SORCS2: variants seen among roughly 807,000 people sequenced by gnomAD.
SORCS2 encodes sortilin related VPS10 domain containing receptor 2.
A neutral mutation model predicts 141.6 loss-of-function variants in SORCS2; 100 were observed. The observed-to-expected ratio is 0.71, with a 90% CI of 0.60 to 0.83. The LOEUF (loss-of-function observed/expected upper bound fraction) is 0.83, where lower values mean the gene tolerates loss of function less well. Ranked by LOEUF, SORCS2 falls within the 40% of genes least tolerant of loss-of-function variation. SORCS2 has a pLI of 0.00. For missense variants in SORCS2, 1,646 were observed against 1,560.2 expected (o/e 1.05, Z -0.93); for synonymous variants, 789 against 676.9 (o/e 1.17, Z -2.57).
chr4:7,339,375 C>T (rs1237675264), intron 1 of SORCS2, among the ~76,000 whole-genome samples: 1 of 152,206 alleles, frequency 6.6e-6, no homozygotes, highest in Non-Finnish European at 1.5e-5. Context: ...ATGAGTCAGC[C>T]ACAGCTGCGT....
At chr4:7,730,739 G>T (rs758280675) in intron 23 of SORCS2, among the ~76,000 whole-genome samples, 5 of 152,208 alleles carry the variant, frequency 3.3e-5, no homozygotes, top group African/African-American at 1.2e-4. Context: ...GGGGGAGGGC[G>T]CATGGCGAGT....
intron 1 of SORCS2, among the ~76,000 whole-genome samples, chr4:7,309,150 G>A (rs774375351): frequency 2.0e-5 from 3 of 152,204 alleles, no homozygotes; most frequent in Admixed American, 6.5e-5. Flanking sequence ...ATCACCGGGC[G>A]CACGCTGGCA....
intron 2 of SORCS2, among the ~76,000 whole-genome samples, chr4:7,457,688 C>T (rs1284114309): frequency 6.6e-6 from 1 of 151,166 alleles, no homozygotes; most frequent in Non-Finnish European, 1.5e-5. Flanking sequence ...CCCCAGTGAA[C>T]ACTGCAAGCT....
At chr4:7,444,673 C>T (rs1727880738) in intron 2 of SORCS2, among the ~76,000 whole-genome samples, 1 of 152,088 alleles carries the variant, frequency 6.6e-6, no homozygotes, top group Non-Finnish European at 1.5e-5. Flanking sequence ...CTGACATGAT[C>T]CCATGGTGCT....
intron 4 of SORCS2, among the ~76,000 whole-genome samples, chr4:7,650,999 C>A (rs1464607152): frequency 6.6e-6 from 1 of 152,132 alleles, no homozygotes. Context: ...GCCCCTACCC[C>A]CAGAGGGGCA....
At position 7,516,945 on chromosome 4, in the gene SORCS2, C is replaced by A. The variant is rs1733022217; in HGVS notation, c.549-14585C>A. ...CCAGGCTGCAGTGTTCAAGCTCAGC[C>A]CCTCTACCTCCTCCCTCCTCCTCTG... On this transcript the variant is annotated intron_variant, in intron 2 of 26. Transcript: ENST00000507866. Among the ~76,000 whole-genome samples, 3 of 152,178 alleles carry A rather than the reference C, an allele frequency of 2.0e-5. No homozygotes were observed. In the South Asian group the frequency reaches 6.2e-4, roughly 32 times the overall value.
chr4:7,618,447 T>C (rs1188752324), intron 3 of SORCS2, among the ~76,000 whole-genome samples: 1 of 152,116 alleles, frequency 6.6e-6, no homozygotes, highest in Non-Finnish European at 1.5e-5. Context: ...TCTCCTCTGT[T>C]CAAGGCCCCC....
At chr4:7,217,809 G>A (rs568404999) in intron 1 of SORCS2, among the ~76,000 whole-genome samples, 20 of 152,346 alleles carry the variant, frequency 1.3e-4, no homozygotes, top group African/African-American at 4.6e-4. Flanking sequence ...GTGAAGCTCC[G>A]ACCTGTGGGA....
In SORCS2 at chr4:7,286,964, C is replaced by T. The variant is rs188360814; in HGVS notation, c.480+93838C>T. Among the ~76,000 whole-genome samples the T allele has an allele frequency of 5.3e-5, 8 of 152,298 alleles. No homozygotes were observed. Among genetic ancestry groups the T allele is most frequent in the Admixed American group, 1.3e-4 (2 of 15,304 alleles). ...GAGGGACCAGGGCCACTGGTACGAACGCTTCTTGCATCAGGTGGCTGCAGC... is the reference window on the plus strand; with the variant it reads ...GAGGGACCAGGGCCACTGGTACGAATGCTTCTTGCATCAGGTGGCTGCAGC... On this transcript the variant is annotated intron_variant, in intron 1 of 26. Transcript: ENST00000507866. The surrounding 1 kb of genome is among the most constrained non-coding windows in gnomAD (Gnocchi z 4.1).
At chr4:7,582,804 G>T (rs1029827806) in intron 3 of SORCS2, among the ~76,000 whole-genome samples, 1 of 152,120 alleles carries the variant, frequency 6.6e-6, no homozygotes, top group East Asian at 1.9e-4. Flanking sequence ...ACCTGGGTCA[G>T]CCAGTTCCCT....
chr4:7,238,296 G>GA (rs1048954008), intron 1 of SORCS2, among the ~76,000 whole-genome samples: 1 of 152,066 alleles, frequency 6.6e-6, no homozygotes, highest in Non-Finnish European at 1.5e-5. Flanking sequence ...AGTCTGGGGG[G>GA]GGTTGCTGGT....
chr4:7,305,543 T>C (rs1717757813), intron 1 of SORCS2, among the ~76,000 whole-genome samples: 1 of 152,108 alleles, frequency 6.6e-6, no homozygotes, highest in African/African-American at 2.4e-5. Flanking sequence ...TGGACTAGGT[T>C]GGGGGATGCA....
intron 1 of SORCS2, among the ~76,000 whole-genome samples, chr4:7,234,782 C>T (rs147646569): frequency 2.6e-5 from 4 of 152,384 alleles, no homozygotes; most frequent in Non-Finnish European, 4.4e-5. Context: ...GCCCTGACAG[C>T]GCAGCCTGCC....
intron 2 of SORCS2, among the ~76,000 whole-genome samples, chr4:7,419,078 T>C (rs1386603015): frequency 6.6e-6 from 1 of 152,190 alleles, no homozygotes; most frequent in Non-Finnish European, 1.5e-5. Context: ...ATCACAAAGA[T>C]TGACCTTTAT....
chr4:7,604,325 G>C (rs1323537088), intron 3 of SORCS2, among the ~76,000 whole-genome samples: 1 of 152,156 alleles, frequency 6.6e-6, no homozygotes, highest in African/African-American at 2.4e-5. Context: ...TTTGTTTGTT[G>C]GTTTGTTTTT....
In SORCS2 at chr4:7,723,752, T is replaced by G; in HGVS notation, c.2480T>G (p.Met827Arg). 6.2e-7 allele frequency: 1 copy of G among 1,613,990 alleles called. No homozygotes were observed. The highest frequency in any genetic ancestry group is 1.3e-5 in the African/African-American group (1 of 75,054). ...QVDLGDGFKA[M>R]YVNLTLTGEP... ...GACCTTGGGGACGGCTTCAAGGCCA[T>G]GTACGTGAACCTTACACTGACCGGG... Residue 827 changes from methionine to arginine, a missense_variant, in exon 19 of 27, where the codon ATG becomes AGG. Coordinates refer to ENST00000507866, the MANE Select transcript of SORCS2 (RefSeq NM_020777.3).
At chr4:7,459,166 C>G (rs1020613980) in intron 2 of SORCS2, among the ~76,000 whole-genome samples, 3 of 152,132 alleles carry the variant, frequency 2.0e-5, no homozygotes, top group Admixed American at 2.0e-4. Context: ...CCCAGCCACA[C>G]AGAGCTCAGA....
At chr4:7,450,481 T>C (rs1348881287) in intron 2 of SORCS2, among the ~76,000 whole-genome samples, 1 of 152,218 alleles carries the variant, frequency 6.6e-6, no homozygotes, top group Non-Finnish European at 1.5e-5. Context: ...TCTGGGTAAC[T>C]GTGACCCACA....
intron 1 of SORCS2, among the ~76,000 whole-genome samples, chr4:7,271,948 C>T (rs1577343280): frequency 6.6e-6 from 1 of 152,186 alleles, no homozygotes; most frequent in Non-Finnish European, 1.5e-5. Flanking sequence ...TGTCCTCAGC[C>T]AGGGGCAGCA....
Sources: gnomAD v4.1 joint callset for allele counts (sites outside exome capture counted in the v4.1 genomes callset) on GRCh38, gnomAD v4.1.1 for gene constraint, Gnocchi (gnomAD v3.1) non-coding constraint, MANE v1.5 for transcripts, NCBI Gene and HGNC (gene_info 2026-07-23, HGNC 2026-07-21) for gene names.